Variants in KLF12 observed in about 807,000 individuals in gnomAD.
KLF12 encodes the protein Krueppel-like factor 12.
KLF12 carries 9 observed loss-of-function variants against 37.8 expected under a neutral mutation model. The ratio of observed to expected loss-of-function variants is 0.24; its 90% CI spans 0.14 to 0.42. KLF12 has a LOEUF of 0.42. KLF12 is among the 10% of genes least tolerant of loss of function. The pLI is 1.00. For synonymous variants in KLF12, 208 were observed against 202.1 expected (o/e 1.03, Z -0.25); for missense variants, 411 against 516.0 (o/e 0.80, Z 1.97).
intron 3 of KLF12, among the ~76,000 whole-genome samples, chr13:73,941,843 A>C (rs1399021557): frequency 6.6e-6 from 1 of 152,116 alleles, no homozygotes; most frequent in African/African-American, 2.4e-5. Context: ...ACATAAACCC[A>C]AAGGAAAAAA....
At chr13:74,251,895 C>A in the KLF12 span, among the ~76,000 whole-genome samples, 8 of 152,160 alleles carry the variant, frequency 5.3e-5, no homozygotes, top group Non-Finnish European at 1.2e-4. Context: ...AGTTTCCAGA[C>A]CCCAGTTGCA....
At chr13:73,849,803 T>C (rs545453200) in intron 3 of KLF12, among the ~76,000 whole-genome samples, 80 of 152,312 alleles carry the variant, frequency 5.3e-4, no homozygotes, top group Middle Eastern at 3.4e-3. Context: ...TGGGGTTTTT[T>C]TGTTTGTTTT....
chr13:74,153,323 A>G, the KLF12 span, among the ~76,000 whole-genome samples: 1 of 152,190 alleles, frequency 6.6e-6, no homozygotes, highest in African/African-American at 2.4e-5. Flanking sequence ...GAGTTGAACT[A>G]GGACCTGGGT....
At chr13:73,748,064 C>A (rs947499676) in intron 6 of KLF12, among the ~76,000 whole-genome samples, 1 of 152,102 alleles carries the variant, frequency 6.6e-6, no homozygotes, top group African/African-American at 2.4e-5. Context: ...GTGTTGAAAA[C>A]GATGAATTTG....
At chr13:74,124,014 T>C (rs542302990) in intron 1 of KLF12, among the ~76,000 whole-genome samples, 1 of 152,350 alleles carries the variant, frequency 6.6e-6, no homozygotes, top group East Asian at 1.9e-4. Flanking sequence ...TTGTTGTTGT[T>C]GTTGTTAGCC....
At chr13:73,825,299 AC>A (rs1371464921) in intron 4 of KLF12, among the ~76,000 whole-genome samples, 2 of 152,092 alleles carry the variant, frequency 1.3e-5, no homozygotes, top group East Asian at 3.9e-4. Flanking sequence ...GAGCCCAGGA[AC>A]TCAAGGCTCT....
chr13:73,777,098 C>A (rs932931350), intron 5 of KLF12, among the ~76,000 whole-genome samples: 25 of 152,114 alleles, frequency 1.6e-4, no homozygotes, highest in African/African-American at 6.0e-4. Context: ...ATGATTACTT[C>A]GAGAGGTCAG....
chr13:73,876,796 T>C (rs572820920), intron 3 of KLF12, among the ~76,000 whole-genome samples: 2 of 152,134 alleles, frequency 1.3e-5, no homozygotes, highest in Admixed American at 6.5e-5. Context: ...GGGCAGATCA[T>C]CTGGGGTCAG....
intron 1 of KLF12, among the ~76,000 whole-genome samples, chr13:74,112,405 T>TGTGTGA (rs1877034336): frequency 6.6e-6 from 1 of 151,936 alleles, no homozygotes; most frequent in Non-Finnish European, 1.5e-5. Context: ...TGTGTGTGTG[T>TGTGTGA]GTGTGTGTGT....
intron 1 of KLF12, among the ~76,000 whole-genome samples, chr13:74,056,453 G>T (rs1873250167): frequency 6.6e-6 from 1 of 152,178 alleles, no homozygotes; most frequent in Non-Finnish European, 1.5e-5. Flanking sequence ...GGTGTGTGAT[G>T]AATAAGAAAT....
chr13:74,101,489 C>T (rs1876340600), intron 1 of KLF12, among the ~76,000 whole-genome samples: 1 of 152,034 alleles, frequency 6.6e-6, no homozygotes, highest in Admixed American at 6.5e-5. Context: ...GATCAATGAG[C>T]ACTCAGAAAG....
chr13:73,763,234 C>T (rs1297387811), intron 6 of KLF12, among the ~76,000 whole-genome samples: 2 of 152,090 alleles, frequency 1.3e-5, no homozygotes, highest in Admixed American at 1.3e-4. Flanking sequence ...AATATATCTC[C>T]TTAGAGCTTT....
At chr13:74,265,200 G>T in the KLF12 span, among the ~76,000 whole-genome samples, 1 of 152,058 alleles carries the variant, frequency 6.6e-6, no homozygotes, top group Non-Finnish European at 1.5e-5. Flanking sequence ...TGATGGGAGG[G>T]ACTAATATTG....
the KLF12 span, among the ~76,000 whole-genome samples, chr13:74,163,554 A>C: frequency 6.6e-6 from 1 of 152,116 alleles, no homozygotes; most frequent in Non-Finnish European, 1.5e-5. Context: ...AGAGAGTAGA[A>C]AGATAGTTAA....
At chr13:73,934,077 C>T (rs1212419001) in intron 3 of KLF12, among the ~76,000 whole-genome samples, 1 of 152,150 alleles carries the variant, frequency 6.6e-6, no homozygotes, top group African/African-American at 2.4e-5. Flanking sequence ...CCTTTGATTA[C>T]TCTAGAATGT....
At chr13:73,837,542 TCA>T (rs1294356535) in intron 4 of KLF12, among the ~76,000 whole-genome samples, 2 of 152,156 alleles carry the variant, frequency 1.3e-5, no homozygotes, top group African/African-American at 4.8e-5. Flanking sequence ...GGTTCTGAAC[TCA>T]CAGTGAAAAT....
intron 2 of KLF12, among the ~76,000 whole-genome samples, chr13:73,961,558 G>A (rs1411940140): frequency 1.3e-5 from 2 of 152,162 alleles, no homozygotes; most frequent in Non-Finnish European, 2.9e-5. Context: ...TAGGGACTCA[G>A]AGTGGACAAC....
chr13:73,826,372 A>G (rs1330363572), intron 4 of KLF12, among the ~76,000 whole-genome samples: 1 of 152,200 alleles, frequency 6.6e-6, no homozygotes, highest in East Asian at 1.9e-4. Context: ...TTCTTCATAT[A>G]AAAGAAAATA....
At chr13:74,186,023 C>T in the KLF12 span, among the ~76,000 whole-genome samples, 52 of 152,240 alleles carry the variant, frequency 3.4e-4, no homozygotes, top group Non-Finnish European at 3.1e-4. Context: ...ATGTTATTAG[C>T]TATGACTAAT....
Sources: allele counts gnomAD v4.1 joint callset (sites outside exome capture counted in the v4.1 genomes callset), GRCh38; gene constraint gnomAD v4.1.1; transcripts MANE v1.5; gene names NCBI Gene and HGNC (gene_info 2026-07-23, HGNC 2026-07-21).